The following SEC16A variants were observed in gnomAD, a reference collection of about 807,000 sequenced individuals.
SEC16A encodes the protein SEC16 homolog A, endoplasmic reticulum export factor, also known as protein transport protein Sec16A.
Under a neutral mutation model 221.9 loss-of-function variants are expected in SEC16A, and 110 were observed. That is an observed-to-expected ratio of 0.50 (90% CI 0.42 to 0.58). SEC16A has a LOEUF of 0.58. Ranked by LOEUF, SEC16A falls within the 20% of genes least tolerant of loss-of-function variation. The pLI, the probability that SEC16A is intolerant of heterozygous loss-of-function variation, is 0.00. For synonymous variants in SEC16A, 1,393 were observed against 1,257.7 expected, an observed-to-expected ratio of 1.11 and a Z score of -2.28; for missense variants, 3,165 against 3,097.8, an observed-to-expected ratio of 1.02 and a Z score of -0.52.
intron 8 of SEC16A, 23 bp downstream of exon 8, chr9:136,465,939 C>T (rs779007179): frequency 6.2e-7 from 1 of 1,605,780 alleles, no homozygotes; most frequent in Non-Finnish European, 8.5e-7. Flanking sequence ...AGCCGGTATC[C>T]CTCTGTCCTG....
chr9:136,462,263 A>G (rs1363238769), intron 12 of SEC16A, among the ~76,000 whole-genome samples: 3 of 152,110 alleles, frequency 2.0e-5, no homozygotes, highest in African/African-American at 7.2e-5. Flanking sequence ...TGCTTAGCAC[A>G]TCCAAAGCAA....
At chr9:136,445,169 G>T in intron 29 of SEC16A, 58 bp from the exon 30 acceptor site, 1 of 1,427,036 alleles carries the variant, frequency 7.0e-7, no homozygotes, top group Non-Finnish European at 9.7e-7. Context: ...GCACGTCACT[G>T]TCCAATCCAA....
chr9:136,474,117 C>T lies in SEC16A; in HGVS notation c.3499G>A (p.Asp1167Asn), dbSNP rs754758728. The T allele has an allele frequency of 3.0e-5, 48 of 1,613,060 alleles. No individual in the cohort carries two copies. Among genetic ancestry groups the T allele is most frequent in the South Asian group, 8.8e-5 (8 of 91,034 alleles). ...AAYYYYRPLY[D>N]AYQPQYSLPY... ...AAAGAGTACTGAGGCTGGTAGGCATCGTACAAAGGCCGGTAGTAGTAGTAG... is the reference window on the plus strand; with the variant it reads ...AAAGAGTACTGAGGCTGGTAGGCATTGTACAAAGGCCGGTAGTAGTAGTAG... The change falls in exon 3 of 32, where the codon GAT becomes AAT. Residue 1167 changes from aspartate (D) to asparagine (N), a missense_variant. This residue lies in a region of SEC16A where 2,030 missense variants were observed against 1,923.1 expected (regional missense o/e 1.06). Transcript: ENST00000684901.
chr9:136,468,453 T>C lies in SEC16A; in HGVS notation c.3764A>G (p.Tyr1255Cys). 4 of 1,613,612 alleles carry C rather than the reference T, an allele frequency of 2.5e-6. No homozygotes were observed. The highest frequency in any genetic ancestry group is 3.4e-6 in the Non-Finnish European group (4 of 1,179,514). Reference protein sequence around the residue: ...SKSGWSSQSDYYASYYSSQYD... With the variant: ...SKSGWSSQSDCYASYYSSQYD... ...CTGGCTGGAGTAATAGCTTGCATAG[T>C]AATCGCTCTGACTGCTCCATCCACT... Residue 1255 changes from tyrosine (Y) to cysteine (C), a missense_variant, in exon 5 of 32, where the codon TAC becomes TGC. This residue lies in a region of SEC16A where 2,030 missense variants were observed against 1,923.1 expected (regional missense o/e 1.06). Transcript: ENST00000684901.
intron 4 of SEC16A, among the ~76,000 whole-genome samples, chr9:136,468,731 C>T (rs892026409): frequency 2.0e-5 from 3 of 152,212 alleles, no homozygotes; most frequent in African/African-American, 4.8e-5. Context: ...AACTAAGAGC[C>T]GTTCGGCTAA....
chr9:136,469,840 A>G lies in SEC16A; in HGVS notation c.3705-1328T>C, dbSNP rs563683093. On this transcript the variant is annotated intron_variant, in intron 4 of 31. Transcript: ENST00000684901. Reference sequence around the variant, plus strand: ...TGAGACGGGGCTGCTGCTGGGTGGCATGGGGCCCGGCCCACTTGTCCCCCT... The same window carrying G: ...TGAGACGGGGCTGCTGCTGGGTGGCGTGGGGCCCGGCCCACTTGTCCCCCT... Among the ~76,000 whole-genome samples, 27 of 152,330 alleles carry G rather than the reference A, an allele frequency of 1.8e-4. No homozygotes were observed. The South Asian group carries it at 5.0e-3, about 28-fold the overall frequency.
chr9:136,483,531 A>G (rs1842685921), upstream of SEC16A: 5 of 954,790 alleles, frequency 5.2e-6, no homozygotes, highest in African/African-American at 6.4e-5. Flanking sequence ...GCCCCTCGCC[A>G]CCTGCCCGGC....
intron 23 of SEC16A, 93 bp from the exon 24 acceptor site, chr9:136,448,254 G>A (rs562323745): frequency 5.7e-6 from 6 of 1,051,990 alleles, no homozygotes; most frequent in Middle Eastern, 4.0e-4. Flanking sequence ...ACCCACTTCT[G>A]TGAGGCCCCA....
chr9:136,466,933 C>G lies in SEC16A; in HGVS notation c.3929+24G>C. 1 of 1,605,740 alleles carries G rather than the reference C, an allele frequency of 6.2e-7. No individual in the cohort carries two copies. ...GCGCCCTGGCTGCCCCCAGCCTCTG[C>G]CTCCCCAGGGGTGCTCCACCAACCT... On this transcript the variant is annotated intron_variant, in intron 6 of 31. Transcript: ENST00000684901. The surrounding 1 kb of genome is among the most constrained non-coding windows in gnomAD (Gnocchi z 5.5).
At chr9:136,478,883 G>C (rs1265145808) in intron 1 of SEC16A, among the ~76,000 whole-genome samples, 53 bp from the exon 2 acceptor site, 1 of 152,144 alleles carries the variant, frequency 6.6e-6, no homozygotes, top group African/African-American at 2.4e-5. Context: ...TTTTTAAAAA[G>C]CACTGCAAAA....
In SEC16A at chr9:136,447,526, A is replaced by G. The variant is rs1837177294; in HGVS notation, c.6559+43T>C. 1.3e-6 allele frequency: 2 copies of G among 1,561,276 alleles called. No homozygotes were observed. Among genetic ancestry groups the G allele is most frequent in the Non-Finnish European group, 1.8e-6 (2 of 1,135,026 alleles). On this transcript the variant is annotated intron_variant, in intron 26 of 31. Transcript: ENST00000684901. The surrounding 1 kb of genome is among the most constrained non-coding windows in gnomAD (Gnocchi z 5.5). Reference sequence around the variant, plus strand: ...ACACATTGGCCTCTCTCTCTGGGACAGTTAATCGTTCAAGCAAGCTCCCAC... The same window carrying G: ...ACACATTGGCCTCTCTCTCTGGGACGGTTAATCGTTCAAGCAAGCTCCCAC...
Position 136,474,146 on chromosome 9 carries a change from G to A in SEC16A, c.3470C>T (p.Ala1157Val). 6.2e-7 allele frequency: 1 copy of A among 1,613,278 alleles called. No individual in the cohort carries two copies. Among genetic ancestry groups the A allele is most frequent in the Non-Finnish European group, 8.5e-7 (1 of 1,179,876 alleles). The change falls in exon 3 of 32, where the codon GCC becomes GTC. Residue 1157 changes from alanine (A) to valine (V), a missense_variant. Physicochemically the swap from Ala to Val is moderately conservative, Grantham distance 64 (BLOSUM62 0). Around this residue, in one of 3 missense-constraint regions of SEC16A, gnomAD observed 2,030 missense variants for 1,923.1 expected, o/e 1.06. Transcript: ENST00000684901. ...LAPGPPPQDL[A>V]AYYYYRPLYD... ...CAAAGGCCGGTAGTAGTAGTAGGCG[G>A]CCAGGTCCTGAGGCGGTGGGCCGGG...
At position 136,475,820 on chromosome 9, in the gene SEC16A, G is replaced by A; in HGVS notation, c.1796C>T (p.Pro599Leu). ...SQPSTPSPPK[P>L]TGIFQTSANS... ...TGCACTTGTCTGAAATATTCCTGTA[G>A]GTTTCGGGGGGCTCGGGGTTGAGGG... is the stretch of plus-strand genomic sequence containing the variant. Residue 599 changes from proline (P) to leucine (L), a missense_variant, in exon 3 of 32, where the codon CCT (proline) becomes CTT (leucine). This residue lies in a region of SEC16A where 2,030 missense variants were observed against 1,923.1 expected (regional missense o/e 1.06). Coordinates refer to ENST00000684901, the MANE Select transcript of SEC16A (RefSeq NM_014866.2). The surrounding 1 kb of genome is among the most constrained non-coding windows in gnomAD (Gnocchi z 5.0). 6.3e-7 allele frequency: 1 copy of A among 1,581,480 alleles called. No individual in the cohort carries two copies.
chr9:136,476,568 G>A lies in SEC16A; in HGVS notation c.1048C>T (p.Pro350Ser). The A allele has an allele frequency of 6.2e-7, 1 of 1,610,242 alleles. No individual in the cohort carries two copies. Among genetic ancestry groups the A allele is most frequent in the Non-Finnish European group, 8.5e-7 (1 of 1,177,448 alleles). Residue 350 changes from proline to serine, a missense_variant, in exon 3 of 32, where the codon CCA becomes TCA. This residue lies in a region of SEC16A where 2,030 missense variants were observed against 1,923.1 expected (regional missense o/e 1.06). Coordinates refer to ENST00000684901, the MANE Select transcript of SEC16A (RefSeq NM_014866.2). ...GDSPENRTHH[P>S]LGAGAGSGCA... is the part of the protein sequence containing the mutation. ...CCAGACCCGGCCCCAGCCCCCAGTG[G>A]GTGGTGCGTACGGTTTTCTGGGCTA...
chr9:136,444,990 C>T (rs1836759572), intron 30 of SEC16A, 62 bp downstream of exon 30: 8 of 1,491,922 alleles, frequency 5.4e-6, no homozygotes, highest in Non-Finnish European at 7.3e-6. Context: ...GCACCGCGTG[C>T]TCAGGAACAC....
Position 136,445,003 on chromosome 9 carries a change from G to GCGGC in SEC16A, c.6927+45_6927+48dup, listed in dbSNP as rs763940984. ...CGGCACCGCGTGCTCAGGAACACAG[G>GCGGC]CGGCACACGCCAGCTCTCATGTTAG... is the stretch of plus-strand genomic sequence containing the variant. On this transcript the variant is annotated intron_variant, in intron 30 of 31. Coordinates refer to ENST00000684901, the MANE Select transcript of SEC16A (RefSeq NM_014866.2). The GCGGC allele has an allele frequency of 2.2e-5, 34 of 1,545,986 alleles. 1 individual carries two copies. The highest frequency in any genetic ancestry group is 3.4e-4 in the Middle Eastern group (2 of 5,966).
Position 136,472,065 on chromosome 9 carries a change from G to A in SEC16A, c.3614C>T (p.Ala1205Val), listed in dbSNP as rs775480471. Residue 1205 changes from alanine (A) to valine (V), a missense_variant, in exon 4 of 32, where the codon GCT (alanine) becomes GTT (valine). Ala to Val is a moderately conservative substitution (Grantham distance 64, BLOSUM62 0). Transcript: ENST00000684901. The stretch of plus-strand genomic sequence containing the variant: ...GTAGTTCTGGGCGTAAGCAGACGCA[G>A]CACCATCATAGGGCCTGTATCGAGG... The part of the protein sequence containing the change: ...YEPRYRPYDG[A>V]ASAYAQNYRY... The A allele has an allele frequency of 6.8e-6, 11 of 1,613,638 alleles. No homozygotes were observed. The Admixed American group carries it at 1.7e-4, about 24-fold the overall frequency.
At position 136,440,787 on chromosome 9, in the gene SEC16A, AC is replaced by A. The variant is rs1836108775; in HGVS notation, c.*967del. 6.6e-6 allele frequency: 1 copy of A among 152,422 alleles called. No homozygotes were observed. The highest frequency in any genetic ancestry group is 2.4e-5 in the African/African-American group (1 of 41,450). 9.4% of individuals were successfully genotyped at this position (152,422 alleles called of 1,614,324 possible). A position where few individuals can be genotyped will look rare whatever the true frequency, so the allele number is the denominator to read the frequency against. On this transcript the variant is annotated 3_prime_UTR_variant, in exon 32 of 32. Transcript: ENST00000684901. The stretch of plus-strand genomic sequence containing the variant: ...CCAAGTGCTACCAACCTCTGAACCA[AC>A]GTCCCCCAGGGGAGAAAGTGGGTCA...
chr9:136,483,725 G>A (rs766374118), upstream of SEC16A: 177 of 985,364 alleles, frequency 1.8e-4, no homozygotes, highest in Non-Finnish European at 2.1e-4. Context: ...GCCCAGCTGA[G>A]AAGCGCGGGG....
Sources: allele counts gnomAD v4.1 joint callset (sites outside exome capture counted in the v4.1 genomes callset), GRCh38; gene constraint gnomAD v4.1.1; regional missense constraint gnomAD v4.1.1; non-coding constraint Gnocchi (gnomAD v3.1); transcripts MANE v1.5; gene names NCBI Gene and HGNC (gene_info 2026-07-23, HGNC 2026-07-21).